FBXL7: variants seen among roughly 807,000 people sequenced by gnomAD.
FBXL7 encodes F-box and leucine rich repeat protein 7.
In FBXL7, 12 loss-of-function variants were observed where a neutral mutation model predicts 38.3. The ratio of observed to expected loss-of-function variants is 0.31; its 90% confidence interval spans 0.20 to 0.51. FBXL7 has a LOEUF of 0.51. Among genes scored for constraint, FBXL7 ranks in the 20% least tolerant of loss-of-function variants. FBXL7 has a pLI of 0.98. For synonymous variants in FBXL7, 297 were observed against 300.9 expected, an observed-to-expected ratio of 0.99 and a Z score of 0.13; for missense variants, 567 against 676.4, an observed-to-expected ratio of 0.84 and a Z score of 1.79.
intron 2 of FBXL7, among the ~76,000 whole-genome samples, chr5:15,710,149 C>G (rs758893395): frequency 6.6e-6 from 1 of 152,174 alleles, no homozygotes; most frequent in African/African-American, 2.4e-5. Context: ...TGTTAGTCCT[C>G]TGCTGCCAAA....
At chr5:15,626,544 C>CTG (rs71603784) in intron 2 of FBXL7, among the ~76,000 whole-genome samples, 16,062 of 148,264 alleles carry the variant, frequency 0.11, 889 homozygotes, top group Middle Eastern at 0.16. Flanking sequence ...AATTCGTTTC[C>CTG]TGTGTGTGTG....
chr5:15,835,173 T>C (rs1738561139), intron 2 of FBXL7, among the ~76,000 whole-genome samples: 1 of 152,202 alleles, frequency 6.6e-6, no homozygotes, highest in Admixed American at 6.5e-5. Context: ...ATGAATGCTA[T>C]AATTTTTAAG....
chr5:15,500,701 T>C lies in FBXL7; in HGVS notation c.25T>C (p.Tyr9His). ...GATGGGCGCGAACAATGGCAAACAG[T>C]ACGGCAGTGAGGGTGAGTGGGCCGC... Reference protein sequence around the residue: MGANNGKQYGSEGKGSSSI... With the variant: MGANNGKQHGSEGKGSSSI... Residue 9 changes from tyrosine to histidine, a missense_variant, in exon 1 of 4, where the codon TAC becomes CAC. Coordinates refer to ENST00000504595, the MANE Select transcript of FBXL7 (RefSeq NM_012304.5). 2 of 1,609,372 alleles carry C rather than the reference T, an allele frequency of 1.2e-6. No homozygotes were observed. The highest frequency in any genetic ancestry group is 1.7e-6 in the Non-Finnish European group (2 of 1,177,592).
intron 2 of FBXL7, among the ~76,000 whole-genome samples, chr5:15,835,887 G>A (rs1278519592): frequency 3.3e-5 from 5 of 152,152 alleles, no homozygotes; most frequent in Non-Finnish European, 7.3e-5. Flanking sequence ...TATATGTCTT[G>A]TGGCATCCTG....
At chr5:15,614,527 C>T (rs899036141) in intron 1 of FBXL7, among the ~76,000 whole-genome samples, 2 of 152,196 alleles carry the variant, frequency 1.3e-5, no homozygotes, top group Non-Finnish European at 2.9e-5. Flanking sequence ...GCCTCGGTCT[C>T]CCAAAGTGCT....
intron 2 of FBXL7, among the ~76,000 whole-genome samples, chr5:15,900,808 G>A (rs1230832160): frequency 6.6e-6 from 1 of 152,188 alleles, no homozygotes; most frequent in Non-Finnish European, 1.5e-5. Context: ...ATATTTAGAA[G>A]AGCATGTGCC....
chr5:15,594,760 C>T (rs1353798054), intron 1 of FBXL7, among the ~76,000 whole-genome samples: 1 of 152,222 alleles, frequency 6.6e-6, no homozygotes, highest in African/African-American at 2.4e-5. Context: ...ATACTATATA[C>T]TCCAGCTATT....
intron 1 of FBXL7, among the ~76,000 whole-genome samples, chr5:15,578,242 G>A (rs1282112941): frequency 1.3e-5 from 2 of 152,168 alleles, no homozygotes; most frequent in Non-Finnish European, 2.9e-5. Context: ...CAAAAGAGAT[G>A]AGTGGAGAAC....
At chr5:15,688,531 T>C (rs532835580) in intron 2 of FBXL7, among the ~76,000 whole-genome samples, 1 of 152,250 alleles carries the variant, frequency 6.6e-6, no homozygotes, top group East Asian at 1.9e-4. Flanking sequence ...ACCATTCTCT[T>C]AACCATCTAG....
At chr5:15,817,339 G>A (rs1276326985) in intron 2 of FBXL7, among the ~76,000 whole-genome samples, 2 of 151,348 alleles carry the variant, frequency 1.3e-5, no homozygotes, top group East Asian at 3.9e-4. Context: ...TTTCACTTAT[G>A]TCTGAATCAC....
chr5:15,639,820 A>G (rs1741300580), intron 2 of FBXL7, among the ~76,000 whole-genome samples: 1 of 151,916 alleles, frequency 6.6e-6, no homozygotes, highest in Admixed American at 6.6e-5. Context: ...ACTTTAGGTC[A>G]GCAGGTAGAA....
At chr5:15,663,975 ATTC>A (rs1742178985) in intron 2 of FBXL7, among the ~76,000 whole-genome samples, 1 of 151,946 alleles carries the variant, frequency 6.6e-6, no homozygotes, top group Non-Finnish European at 1.5e-5. Context: ...ATATGGTTGT[ATTC>A]TTATCTACCA....
At chr5:15,706,098 G>A (rs1743671538) in intron 2 of FBXL7, among the ~76,000 whole-genome samples, 5 of 152,124 alleles carry the variant, frequency 3.3e-5, no homozygotes, top group Admixed American at 3.3e-4. Flanking sequence ...AGGTTCTGAA[G>A]GATTTTAATC....
intron 2 of FBXL7, among the ~76,000 whole-genome samples, chr5:15,820,209 G>A (rs892538202): frequency 5.3e-5 from 8 of 152,080 alleles, no homozygotes; most frequent in South Asian, 2.1e-4. Context: ...GGGCACCTGC[G>A]CCATTCATTA....
At chr5:15,887,867 A>C (rs2126363868) in intron 2 of FBXL7, among the ~76,000 whole-genome samples, 1 of 152,332 alleles carries the variant, frequency 6.6e-6, no homozygotes, top group African/African-American at 2.4e-5. Flanking sequence ...GCCAGTGTTA[A>C]AAAACAATAA....
intron 2 of FBXL7, among the ~76,000 whole-genome samples, chr5:15,823,762 G>A (rs1738234267): frequency 6.6e-6 from 1 of 152,050 alleles, no homozygotes; most frequent in African/African-American, 2.4e-5. Context: ...GTACAAAGAT[G>A]CCACTCCAAG....
At chr5:15,536,605 T>C (rs997659844) in intron 1 of FBXL7, among the ~76,000 whole-genome samples, 2 of 152,220 alleles carry the variant, frequency 1.3e-5, no homozygotes, top group African/African-American at 4.8e-5. Flanking sequence ...CAGTTTGTCC[T>C]ATTTGGGATG....
chr5:15,578,289 T>C (rs1739031877), intron 1 of FBXL7, among the ~76,000 whole-genome samples: 1 of 152,126 alleles, frequency 6.6e-6, no homozygotes, highest in South Asian at 2.1e-4. Flanking sequence ...CGAATGTATT[T>C]CTTGAGATGA....
rs369705854 is a variant in FBXL7 at position 15,794,602 on chromosome 5, C to T, written c.128-133288C>T. ...CTCTTGTGGGAAATACTGCCAGAGCCTTATAAATGGGGTAGTGAAGGTTTT... is the reference window on the plus strand; with the variant it reads ...CTCTTGTGGGAAATACTGCCAGAGCTTTATAAATGGGGTAGTGAAGGTTTT... On this transcript the variant is annotated intron_variant, in intron 2 of 3. Coordinates refer to ENST00000504595, the MANE Select transcript of FBXL7 (RefSeq NM_012304.5). Among the ~76,000 whole-genome samples, 6 of 152,224 alleles carry T rather than the reference C, an allele frequency of 3.9e-5. No individual in the cohort carries two copies. The South Asian group carries it at 8.3e-4, about 21-fold the overall frequency.
Sources: gnomAD v4.1 joint callset for allele counts (sites outside exome capture counted in the v4.1 genomes callset) on GRCh38, gnomAD v4.1.1 for gene constraint, MANE v1.5 for transcripts, NCBI Gene and HGNC (gene_info 2026-07-23, HGNC 2026-07-21) for gene names.